ERBIN: variants seen among roughly 807,000 people sequenced by gnomAD.
ERBIN encodes the protein erbb2 interacting protein.
ERBIN carries 60 observed loss-of-function variants against 158.4 expected under a neutral mutation model. The ratio of observed to expected loss-of-function variants is 0.38; its 90% CI spans 0.31 to 0.47. The LOEUF is 0.47. Among genes scored for constraint, ERBIN ranks in the 20% least tolerant of loss-of-function variants. The pLI, the probability that ERBIN is intolerant of heterozygous loss-of-function variation, is 0.99. For missense variants in ERBIN, 1,610 were observed against 1,648.0 expected (o/e 0.98, Z 0.40); for synonymous variants, 594 against 557.2 (o/e 1.07, Z -0.93).
intron 14 of ERBIN, among the ~76,000 whole-genome samples, chr5:66,031,957 C>T (rs1174846462): frequency 6.6e-6 from 1 of 151,992 alleles, no homozygotes; most frequent in Non-Finnish European, 1.5e-5. Flanking sequence ...TCTTCCCACC[C>T]CAGCCTCCTG....
Position 66,012,069 on chromosome 5 carries a change from A to C in ERBIN, c.328A>C (p.Asn110His). Reference sequence around the variant, plus strand: ...TCTAGGAATACAGGAGTTTCCAGAAAATATAAAAAATTGTAAAGTTTTGAC... The same window carrying C: ...TCTAGGAATACAGGAGTTTCCAGAACATATAAAAAATTGTAAAGTTTTGAC... The part of the protein sequence containing the change: ...SKNGIQEFPE[N>H]IKNCKVLTIV... The change falls in exon 5 of 26, where the codon AAT becomes CAT. Residue 110 changes from asparagine (N) to histidine (H), a missense_variant. Coordinates refer to ENST00000284037, the MANE Select transcript of ERBIN (RefSeq NM_001253697.2). 1 of 1,605,736 alleles carries C rather than the reference A, an allele frequency of 6.2e-7. No individual in the cohort carries two copies. The highest frequency in any genetic ancestry group is 8.5e-7 in the Non-Finnish European group (1 of 1,175,068).
At chr5:65,969,182 AC>A (rs549636062) in intron 1 of ERBIN, among the ~76,000 whole-genome samples, 135 of 152,290 alleles carry the variant, frequency 8.9e-4, no homozygotes, top group African/African-American at 3.0e-3. Flanking sequence ...AGCCATGGTC[AC>A]CCCACACCCA....
At chr5:65,928,988 A>T (rs1743021943) in intron 1 of ERBIN, among the ~76,000 whole-genome samples, 3 of 152,196 alleles carry the variant, frequency 2.0e-5, no homozygotes, top group Admixed American at 2.0e-4. Context: ...CACAAAATAC[A>T]CACTTAAAGG....
intron 1 of ERBIN, among the ~76,000 whole-genome samples, chr5:65,944,062 G>A (rs1003839480): frequency 2.6e-5 from 4 of 152,158 alleles, no homozygotes; most frequent in African/African-American, 7.2e-5. Flanking sequence ...AGACACTGGG[G>A]TTGATGCCAT....
At chr5:66,046,678 A>G in intron 18 of ERBIN, 140 bp downstream of exon 18, 2 of 636,998 alleles carry the variant, frequency 3.1e-6, no homozygotes, top group Non-Finnish European at 5.1e-6. Context: ...CTGCAAAAAT[A>G]TCACTCACTT....
intron 15 of ERBIN, among the ~76,000 whole-genome samples, chr5:66,038,772 T>C (rs1025311579): frequency 1.3e-5 from 2 of 152,062 alleles, no homozygotes; most frequent in Non-Finnish European, 2.9e-5. Context: ...TTAAGTGTTA[T>C]GTGATAAGAA....
At chr5:65,992,314 A>G (rs1398342545) in intron 2 of ERBIN, among the ~76,000 whole-genome samples, 1 of 151,894 alleles carries the variant, frequency 6.6e-6, no homozygotes, top group Non-Finnish European at 1.5e-5. Flanking sequence ...TCGCCCAGCT[A>G]ATTTTTTGTA....
intron 18 of ERBIN, among the ~76,000 whole-genome samples, chr5:66,047,019 C>G (rs1186455110): frequency 1.3e-5 from 2 of 152,034 alleles, no homozygotes; most frequent in Non-Finnish European, 2.9e-5. Flanking sequence ...GTATTCAATT[C>G]AGTGGCCTTT....
intron 1 of ERBIN, among the ~76,000 whole-genome samples, chr5:65,959,108 A>G (rs1747630948): frequency 6.6e-6 from 1 of 152,226 alleles, no homozygotes. Flanking sequence ...CATCAAGGAC[A>G]TTTATACTAT....
Position 65,959,999 on chromosome 5 carries a change from T to C in ERBIN, c.-57-28636T>C, listed in dbSNP as rs1490862926. Among the ~76,000 whole-genome samples the C allele has an allele frequency of 3.3e-5, 5 of 152,234 alleles. No homozygotes were observed. In the East Asian group the frequency reaches 9.6e-4, roughly 29 times the overall value. On this transcript the variant is annotated intron_variant, in intron 1 of 25. Coordinates refer to ENST00000284037, the MANE Select transcript of ERBIN (RefSeq NM_001253697.2). ...CTACATCAGTTCCACTCCTAGGTAT[T>C]TGCCCAAGAGAGGTGAAAACATGTC...
At chr5:65,944,890 T>C (rs1300029877) in intron 1 of ERBIN, among the ~76,000 whole-genome samples, 1 of 152,210 alleles carries the variant, frequency 6.6e-6, no homozygotes, top group Admixed American at 6.5e-5. Context: ...ACTAGATACA[T>C]GATTTGCAAA....
At chr5:66,078,398 C>G in intron 25 of ERBIN, 25 bp from the exon 26 acceptor site, 1 of 1,383,366 alleles carries the variant, frequency 7.2e-7, no homozygotes, top group East Asian at 2.4e-5. Flanking sequence ...AAATGTTTTT[C>G]CTAAAAGCAT....
intron 21 of ERBIN, chr5:66,068,887 C>G: frequency 4.6e-6 from 7 of 1,534,556 alleles, no homozygotes; most frequent in Non-Finnish European, 6.1e-6. Flanking sequence ...AGCATGCTGT[C>G]AAGGTCCTTT....
chr5:65,943,921 C>T (rs531344831), intron 1 of ERBIN, among the ~76,000 whole-genome samples: 15 of 152,284 alleles, frequency 9.9e-5, no homozygotes, highest in African/African-American at 3.1e-4. Flanking sequence ...CCAAGTACCT[C>T]GTGAGTCACT....
Position 66,021,170 on chromosome 5 carries a change from A to T in ERBIN, c.534-152A>T, listed in dbSNP as rs1420468181. The T allele has an allele frequency of 3.6e-5, 1 of 28,020 alleles. No homozygotes were observed. The highest frequency in any genetic ancestry group is 1.9e-4 in the Non-Finnish European group (1 of 5,186). The allele number at this position is 28,020 out of a possible 1,614,324, so 1.7% of individuals were successfully genotyped here. ...TATTTTATCTAGAAATCTGACTTTT[A>T]AAATTTTTTAGAAAATTAATATTTT... On this transcript the variant is annotated intron_variant, in intron 7 of 25. Coordinates refer to ENST00000284037, the MANE Select transcript of ERBIN (RefSeq NM_001253697.2).
intron 4 of ERBIN, among the ~76,000 whole-genome samples, chr5:65,996,743 AT>A (rs1752485852): frequency 6.6e-6 from 1 of 152,076 alleles, no homozygotes; most frequent in Non-Finnish European, 1.5e-5. Context: ...AACAATATTG[AT>A]TTTGAAGTCC....
chr5:65,936,241 A>G (rs1744070064), intron 1 of ERBIN, among the ~76,000 whole-genome samples: 1 of 152,112 alleles, frequency 6.6e-6, no homozygotes, highest in African/African-American at 2.4e-5. Flanking sequence ...TCTTGTTGCC[A>G]AGGTTATCAC....
chr5:66,023,676 T>C (rs962631579), intron 9 of ERBIN, among the ~76,000 whole-genome samples: 4 of 148,370 alleles, frequency 2.7e-5, no homozygotes, highest in African/African-American at 7.4e-5. Flanking sequence ...TTTCTGAATT[T>C]TTTTTTTTTT....
At chr5:66,067,001 G>A (rs1372377237) in intron 21 of ERBIN, among the ~76,000 whole-genome samples, 1 of 152,160 alleles carries the variant, frequency 6.6e-6, no homozygotes, top group Non-Finnish European at 1.5e-5. Context: ...CTGTCTAAAG[G>A]GTTAATCAGG....
Sources: allele counts gnomAD v4.1 joint callset (sites outside exome capture counted in the v4.1 genomes callset), GRCh38; gene constraint gnomAD v4.1.1; transcripts MANE v1.5; gene names NCBI Gene and HGNC (gene_info 2026-07-23, HGNC 2026-07-21).